ARHGEF7: variants seen among roughly 807,000 people sequenced by gnomAD.
ARHGEF7 encodes PAK-interacting exchange factor beta.
A neutral mutation model predicts 109.8 loss-of-function variants in ARHGEF7; 33 were observed. That is an observed-to-expected ratio of 0.30 (90% CI 0.23 to 0.40). The LOEUF is 0.40. ARHGEF7 is among the 10% of genes least tolerant of loss of function. The pLI, the probability that ARHGEF7 is intolerant of heterozygous loss-of-function variation, is 1.00. For synonymous variants in ARHGEF7, 458 were observed against 424.6 expected, an observed-to-expected ratio of 1.08 and a Z score of -0.97; for missense variants, 938 against 1,098.5, an observed-to-expected ratio of 0.85 and a Z score of 2.07.
chr13:111,250,313 C>T (rs142817330), intron 8 of ARHGEF7, among the ~76,000 whole-genome samples: 4 of 152,300 alleles, frequency 2.6e-5, no homozygotes, highest in African/African-American at 4.8e-5. Context: ...CTCAGGTATG[C>T]GTGCATTCGG....
Position 111,283,322 on chromosome 13 carries a change from G to T in ARHGEF7, c.1909G>T (p.Ala637Ser), listed in dbSNP as rs1847102351. 1.9e-6 allele frequency: 3 copies of T among 1,561,832 alleles called. No individual in the cohort carries two copies. The highest frequency in any genetic ancestry group is 2.6e-6 in the Non-Finnish European group (3 of 1,157,696). ...KPWSLSCLRP[A>S]PPLRPSAALC... ...CTGGAGCCTGAGCTGCCTGCGGCCCGCGCCTCCCCTCCGGCCCTCAGCTGC... is the reference window on the plus strand; with the variant it reads ...CTGGAGCCTGAGCTGCCTGCGGCCCTCGCCTCCCCTCCGGCCCTCAGCTGC... The change falls in exon 16 of 22, where the codon GCG (alanine) becomes TCG (serine). Residue 637 changes from alanine (A) to serine (S), a missense_variant. By Grantham distance (99) the Ala-to-Ser change is moderately conservative. Coordinates refer to ENST00000646102, the MANE Select transcript of ARHGEF7 (RefSeq NM_001354046.2).
intron 8 of ARHGEF7, among the ~76,000 whole-genome samples, chr13:111,267,192 A>C (rs2091724121): frequency 6.6e-6 from 1 of 152,156 alleles, no homozygotes; most frequent in Non-Finnish European, 1.5e-5. Context: ...TTTGGTAGAA[A>C]ACCTCACAGA....
chr13:111,118,909 G>A (rs149458066), intron 1 of ARHGEF7, among the ~76,000 whole-genome samples: 2 of 152,162 alleles, frequency 1.3e-5, no homozygotes. Flanking sequence ...ATGTGCTCCC[G>A]AGAACCCTGG....
chr13:111,222,778 T>C (rs1320368174), intron 5 of ARHGEF7, among the ~76,000 whole-genome samples: 1 of 152,220 alleles, frequency 6.6e-6, no homozygotes, highest in African/African-American at 2.4e-5. Flanking sequence ...AACCACATTT[T>C]TTACCGTGTT....
At chr13:111,281,080 A>G (rs1438219650) in intron 15 of ARHGEF7, 1 of 154,176 alleles carries the variant, frequency 6.5e-6, no homozygotes, top group Non-Finnish European at 1.4e-5. Context: ...GGCCAGACTC[A>G]TGTTGAAGGC....
At chr13:111,124,844 C>T (rs2153327781) in intron 1 of ARHGEF7, among the ~76,000 whole-genome samples, 1 of 152,326 alleles carries the variant, frequency 6.6e-6, no homozygotes, top group Non-Finnish European at 1.5e-5. Context: ...ACTCCAACGG[C>T]CGCCTCCCGG....
chr13:111,286,230 G>A lies in ARHGEF7; in HGVS notation c.2034G>A (p.Ala678=), dbSNP rs370442529. ...GGAAGCCTTCAGATGAGGAGTTCGC[G>A]TCCCGGAAAAGTGAGTACCTGCGGT... The part of the protein sequence containing the change: ...PERKPSDEEF[A]SRKSTAALEE... The change falls in exon 17 of 22, where the codon GCG becomes GCA. Residue 678 remains alanine (A), a synonymous_variant. Coordinates refer to ENST00000646102, the MANE Select transcript of ARHGEF7 (RefSeq NM_001354046.2). The A allele has an allele frequency of 1.3e-4, 202 of 1,613,552 alleles. No individual in the cohort carries two copies. The highest frequency in any genetic ancestry group is 1.6e-4 in the Non-Finnish European group (186 of 1,179,866).
intron 19 of ARHGEF7, chr13:111,294,636 G>C: frequency 1.0e-6 from 1 of 985,406 alleles, no homozygotes; most frequent in Non-Finnish European, 1.2e-6. Context: ...AGAAGTATTA[G>C]TGCCACAAGC....
chr13:111,252,152 G>T (rs1477104283), intron 8 of ARHGEF7, among the ~76,000 whole-genome samples: 1 of 152,208 alleles, frequency 6.6e-6, no homozygotes, highest in Non-Finnish European at 1.5e-5. Flanking sequence ...TGGCATAAAA[G>T]AGTTAGTCTC....
intron 1 of ARHGEF7, among the ~76,000 whole-genome samples, chr13:111,152,827 G>C (rs1484283215): frequency 5.3e-5 from 8 of 152,160 alleles, no homozygotes; most frequent in Non-Finnish European, 1.2e-4. Flanking sequence ...TATGCCTCAG[G>C]CTTCTTAAAA....
In ARHGEF7 at chr13:111,153,509, G is replaced by C. The variant is rs969006002; in HGVS notation, c.166-396G>C. On this transcript the variant is annotated intron_variant, in intron 1 of 21. Transcript: ENST00000646102. ...GGCCAACCGGTGGGCTCCCTCTACC[G>C]GACCGAGGCCCAGCACTGGGCCAGA... The C allele has an allele frequency of 3.3e-5, 18 of 550,948 alleles. No homozygotes were observed. In the Admixed American group the frequency reaches 6.3e-4, roughly 19 times the overall value. The allele number at this position is 550,948 out of a possible 1,614,324, so 34.1% of individuals were successfully genotyped here.
intron 8 of ARHGEF7, chr13:111,265,624 T>G: frequency 2.2e-6 from 1 of 456,670 alleles, no homozygotes; most frequent in South Asian, 1.5e-5. Context: ...GCAGACACAT[T>G]TGGGAGCCAG....
intron 19 of ARHGEF7, chr13:111,293,751 G>C (rs2153629104): frequency 1.0e-6 from 1 of 985,350 alleles, no homozygotes; most frequent in Admixed American, 6.1e-5. Flanking sequence ...GTAATTCCAG[G>C]TGGCCGTGAT....
At position 111,273,217 on chromosome 13, in the gene ARHGEF7, G is replaced by C. The variant is rs903852127; in HGVS notation, c.1074-597G>C. On this transcript the variant is annotated intron_variant, in intron 9 of 21. Coordinates refer to ENST00000646102, the MANE Select transcript of ARHGEF7 (RefSeq NM_001354046.2). This position sits in a 1 kb window ranked among gnomAD's most constrained non-coding sequence, Gnocchi z 4.5. ...GGGACCCCTTTCTTCCTCACGTATT[G>C]TGAGGATTAAACTTAAAGCTTTTGA... 6.6e-6 allele frequency among the ~76,000 whole-genome samples: 1 copy of C among 152,138 alleles called. No homozygotes were observed. The highest frequency in any genetic ancestry group is 2.1e-4 in the South Asian group (1 of 4,824).
chr13:111,205,149 C>T (rs962342714), intron 2 of ARHGEF7, 140 bp from the exon 3 acceptor site: 7 of 594,580 alleles, frequency 1.2e-5, no homozygotes, highest in Admixed American at 3.7e-5. Context: ...AGAGACTGAG[C>T]GTGCTGGTCT....
At chr13:111,174,598 C>G (rs911610179) in intron 2 of ARHGEF7, among the ~76,000 whole-genome samples, 6 of 152,226 alleles carry the variant, frequency 3.9e-5, no homozygotes, top group African/African-American at 1.4e-4. Flanking sequence ...GCTTAGTTCA[C>G]TAAGTTTTCC....
At chr13:111,242,270 C>T (rs2087922189) in intron 6 of ARHGEF7, among the ~76,000 whole-genome samples, 1 of 152,116 alleles carries the variant, frequency 6.6e-6, no homozygotes, top group African/African-American at 2.4e-5. Context: ...TGCATTTACT[C>T]AGGAATGACT....
At chr13:111,166,312 C>T (rs968199182) in intron 2 of ARHGEF7, among the ~76,000 whole-genome samples, 2 of 152,110 alleles carry the variant, frequency 1.3e-5, no homozygotes, top group Admixed American at 6.5e-5. Context: ...TCGTGGGGAG[C>T]GAGATCAGGT....
In ARHGEF7 at chr13:111,242,257, A is replaced by G. The variant is rs13378406; in HGVS notation, c.760-1615A>G. On this transcript the variant is annotated intron_variant, in intron 6 of 21. Transcript: ENST00000646102. ...GTAGTTTAGTAAGTGATTTAATCAGATTTGCATTTACTCAGGAATGACTGT... is the reference window on the plus strand; with the variant it reads ...GTAGTTTAGTAAGTGATTTAATCAGGTTTGCATTTACTCAGGAATGACTGT... 8.6e-3 allele frequency among the ~76,000 whole-genome samples: 1,310 copies of G among 152,136 alleles called. 16 individuals carry two copies. Among genetic ancestry groups the G allele is most frequent in the African/African-American group, 0.029 (1,197 of 41,502 alleles).
Sources: allele counts gnomAD v4.1 joint callset (sites outside exome capture counted in the v4.1 genomes callset), GRCh38; gene constraint gnomAD v4.1.1; non-coding constraint Gnocchi (gnomAD v3.1); transcripts MANE v1.5; gene names NCBI Gene and HGNC (gene_info 2026-07-23, HGNC 2026-07-21).